Variants in GAS2 observed in about 807,000 individuals in gnomAD.
The protein encoded by GAS2 is growth arrest specific 2, also known as growth arrest-specific protein 2.
Under a neutral mutation model 37.5 loss-of-function variants are expected in GAS2, and 20 were observed. The ratio of observed to expected loss-of-function variants is 0.53; its 90% confidence interval spans 0.37 to 0.77. The LOEUF (loss-of-function observed/expected upper bound fraction) is 0.77, where lower values mean the gene tolerates loss of function less well. Among genes scored for constraint, GAS2 ranks in the 30% least tolerant of loss-of-function variants. The pLI is 0.00. For missense variants in GAS2, 336 were observed against 373.4 expected, an observed-to-expected ratio of 0.90 and a Z score of 0.82; for synonymous variants, 144 against 132.2, an observed-to-expected ratio of 1.09 and a Z score of -0.61.
chr11:22,675,659 A>G (rs965360282), intron 2 of GAS2, among the ~76,000 whole-genome samples: 13 of 144,734 alleles, frequency 9.0e-5, no homozygotes, highest in Non-Finnish European at 1.4e-4. Flanking sequence ...TGAAAAATAG[A>G]ATCACATGTT....
chr11:22,663,024 G>A (rs576549793), upstream of GAS2, among the ~76,000 whole-genome samples: 1 of 152,192 alleles, frequency 6.6e-6, no homozygotes, highest in African/African-American at 2.4e-5. Context: ...TGCATGGCTG[G>A]GGAGGCCTCA....
intron 7 of GAS2, among the ~76,000 whole-genome samples, chr11:22,802,343 G>T (rs921532053): frequency 1.3e-5 from 2 of 151,730 alleles, no homozygotes; most frequent in Non-Finnish European, 1.5e-5. Flanking sequence ...AGCATTAGGA[G>T]ATATACCTAA....
intron 5 of GAS2, among the ~76,000 whole-genome samples, chr11:22,739,676 T>A (rs372401180): frequency 1.3e-5 from 2 of 148,996 alleles, no homozygotes; most frequent in East Asian, 2.0e-4. Context: ...GCCAAGGAAA[T>A]GTTCAAGTAA....
chr11:22,807,243 CTT>C (rs1856945097), intron 7 of GAS2, among the ~76,000 whole-genome samples: 1 of 152,170 alleles, frequency 6.6e-6, no homozygotes, highest in Non-Finnish European at 1.5e-5. Context: ...ATAAAACTGT[CTT>C]TGCAATAATT....
chr11:22,719,469 G>T (rs1260078427), intron 3 of GAS2, among the ~76,000 whole-genome samples: 4 of 152,088 alleles, frequency 2.6e-5, no homozygotes, highest in Admixed American at 2.6e-4. Context: ...AACAGTCATT[G>T]AACCTACATT....
chr11:22,687,103 A>C (rs780704258), intron 3 of GAS2, among the ~76,000 whole-genome samples: 2 of 152,064 alleles, frequency 1.3e-5, no homozygotes, highest in African/African-American at 2.4e-5. Flanking sequence ...AGGCAGGCAG[A>C]TTGCTTGAGC....
At chr11:22,788,218 A>G (rs1177623400) in intron 7 of GAS2, among the ~76,000 whole-genome samples, 1 of 152,250 alleles carries the variant, frequency 6.6e-6, no homozygotes, top group African/African-American at 2.4e-5. Flanking sequence ...AGGAGAGGCC[A>G]AGAGACATGA....
At chr11:22,736,389 T>C (rs1378407815) in intron 4 of GAS2, among the ~76,000 whole-genome samples, 1 of 152,056 alleles carries the variant, frequency 6.6e-6, no homozygotes, top group Non-Finnish European at 1.5e-5. Context: ...TTTTCCATAA[T>C]CGGCTATGGG....
At chr11:22,715,495 A>C (rs1851630995) in intron 3 of GAS2, among the ~76,000 whole-genome samples, 1 of 150,632 alleles carries the variant, frequency 6.6e-6, no homozygotes, top group African/African-American at 2.4e-5. Flanking sequence ...AAAAGAAAAG[A>C]AAAGAAACAA....
intron 7 of GAS2, among the ~76,000 whole-genome samples, chr11:22,780,110 C>T (rs1220380446): frequency 6.6e-6 from 1 of 152,074 alleles, no homozygotes; most frequent in Non-Finnish European, 1.5e-5. Flanking sequence ...ATGAATTGAG[C>T]TAAAACAAAC....
intron 7 of GAS2, among the ~76,000 whole-genome samples, chr11:22,772,169 A>G (rs940593220): frequency 6.6e-6 from 1 of 152,118 alleles, no homozygotes; most frequent in Non-Finnish European, 1.5e-5. Flanking sequence ...GAAGCAAGTT[A>G]CTTGTAAATG....
intron 3 of GAS2, among the ~76,000 whole-genome samples, chr11:22,688,982 T>C (rs1403680339): frequency 6.6e-6 from 1 of 152,168 alleles, no homozygotes; most frequent in Non-Finnish European, 1.5e-5. Context: ...TCATGTCCTT[T>C]GCAGAAACAT....
intron 6 of GAS2, among the ~76,000 whole-genome samples, chr11:22,754,373 A>G (rs1460206501): frequency 6.6e-6 from 1 of 152,086 alleles, no homozygotes; most frequent in Non-Finnish European, 1.5e-5. Context: ...ATTAAGGTTA[A>G]CCACTAAATG....
upstream of GAS2, among the ~76,000 whole-genome samples, chr11:22,666,059 A>G (rs1848979730): frequency 6.6e-6 from 1 of 152,268 alleles, no homozygotes; most frequent in East Asian, 1.9e-4. Flanking sequence ...TTAGAGGTGA[A>G]TCAGACACTT....
At chr11:22,760,137 A>ATTT (rs76734031) in intron 7 of GAS2, among the ~76,000 whole-genome samples, 1 of 144,226 alleles carries the variant, frequency 6.9e-6, no homozygotes, top group Non-Finnish European at 1.5e-5. Flanking sequence ...TTAATTTTTA[A>ATTT]TTTTTTTTTT....
chr11:22,685,541 G>A, intron 2 of GAS2, 127 bp from the exon 3 acceptor site: 1 of 885,300 alleles, frequency 1.1e-6, no homozygotes, highest in South Asian at 2.0e-5. Flanking sequence ...TTTCTGGTAA[G>A]CTCCTATCCC....
intron 2 of GAS2, among the ~76,000 whole-genome samples, chr11:22,682,174 G>A (rs889193877): frequency 4.6e-5 from 7 of 151,972 alleles, no homozygotes; most frequent in African/African-American, 1.4e-4. Context: ...AGATACAGAT[G>A]TTCAATGTAA....
intron 7 of GAS2, among the ~76,000 whole-genome samples, chr11:22,770,679 T>C (rs1854932855): frequency 6.6e-6 from 1 of 152,226 alleles, no homozygotes; most frequent in African/African-American, 2.4e-5. Context: ...TATTTTAAAC[T>C]GCCAACAGCC....
Sources: allele counts gnomAD v4.1 joint callset (sites outside exome capture counted in the v4.1 genomes callset), GRCh38; gene constraint gnomAD v4.1.1; transcripts MANE v1.5; gene names NCBI Gene and HGNC (gene_info 2026-07-23, HGNC 2026-07-21).